HHLA1: variants seen among roughly 807,000 people sequenced by gnomAD.
The protein encoded by HHLA1 is HHLA1 neighbor of OC90.
Under a neutral mutation model 69.9 loss-of-function variants are expected in HHLA1, and 72 were observed. The observed-to-expected ratio is 1.03, with a 90% CI of 0.85 to 1.25. The LOEUF (loss-of-function observed/expected upper bound fraction) is 1.25. Ranked by LOEUF, HHLA1 falls within the 50% of genes most tolerant of loss-of-function variation. The pLI is 0.00. For missense variants in HHLA1, 685 were observed against 642.2 expected (o/e 1.07, Z -0.72); for synonymous variants, 252 against 233.2 (o/e 1.08, Z -0.73).
At chr8:132,110,012 A>C (rs1824269187) in intron 1 of HHLA1, among the ~76,000 whole-genome samples, 1 of 151,768 alleles carries the variant, frequency 6.6e-6, no homozygotes, top group Non-Finnish European at 1.5e-5. Context: ...GTGGACGGTG[A>C]AGGCAAATGC....
chr8:132,105,783 G>T (rs1054313920), intron 1 of HHLA1, among the ~76,000 whole-genome samples: 1 of 152,192 alleles, frequency 6.6e-6, no homozygotes, highest in Non-Finnish European at 1.5e-5. Context: ...TATTCAGGGA[G>T]CATTTATATT....
chr8:132,081,043 C>T (rs1823744766), intron 10 of HHLA1: 1 of 152,062 alleles, frequency 6.6e-6, no homozygotes, highest in African/African-American at 2.4e-5. Flanking sequence ...TTAGAGAGTG[C>T]CTAAGGAGAT....
At chr8:132,084,988 G>C (rs892108240) in intron 10 of HHLA1, among the ~76,000 whole-genome samples, 2 of 151,958 alleles carry the variant, frequency 1.3e-5, no homozygotes, top group Admixed American at 1.3e-4. Flanking sequence ...AAGGGTGAAG[G>C]AGAAGGGGTT....
chr8:132,065,447 AG>A (rs1823417627), intron 16 of HHLA1, among the ~76,000 whole-genome samples: 1 of 152,050 alleles, frequency 6.6e-6, no homozygotes, highest in Admixed American at 6.5e-5. Context: ...ACGCCTGGCT[AG>A]TTTTTTTGTG....
chr8:132,084,165 G>A (rs1170167083), intron 10 of HHLA1, among the ~76,000 whole-genome samples: 1 of 152,190 alleles, frequency 6.6e-6, no homozygotes, highest in Non-Finnish European at 1.5e-5. Context: ...GGCAGGTGGG[G>A]GAGGGCTAGT....
In HHLA1 at chr8:132,062,511, A is replaced by G. The variant is rs1415262825; in HGVS notation, c.*1484T>C. 1 of 152,142 alleles carries G rather than the reference A, an allele frequency of 6.6e-6. No individual in the cohort carries two copies. Among genetic ancestry groups the G allele is most frequent in the Non-Finnish European group, 1.5e-5 (1 of 68,048 alleles). 9.4% of individuals were successfully genotyped at this position (152,142 alleles called of 1,614,324 possible). On this transcript the variant is annotated 3_prime_UTR_variant, in exon 17 of 17. Coordinates refer to ENST00000414222, the MANE Select transcript of HHLA1 (RefSeq NM_001145095.3). ...CCTAGGTCACAAAAGGGTAAAAAAA[A>G]TACTCATGGCCCAGCAGAGTCCTAA... is the stretch of plus-strand genomic sequence containing the variant.
Position 132,107,079 on chromosome 8 carries a change from C to T in HHLA1, c.-21-1793G>A, listed in dbSNP as rs549652360. ...CTTAATTTCTTTCTCATTCTCTTAT[C>T]TTTCTCTCTTTTCTCCTCTTTCCCC... On this transcript the variant is annotated intron_variant, in intron 1 of 16. Coordinates refer to ENST00000414222, the MANE Select transcript of HHLA1 (RefSeq NM_001145095.3). Among the ~76,000 whole-genome samples the T allele has an allele frequency of 1.1e-4, 16 of 152,232 alleles. No individual in the cohort carries two copies. The East Asian group carries it at 3.1e-3, about 29-fold the overall frequency.
intron 1 of HHLA1, among the ~76,000 whole-genome samples, chr8:132,109,860 G>T (rs1471761874): frequency 6.6e-6 from 1 of 152,252 alleles, no homozygotes; most frequent in East Asian, 1.9e-4. Flanking sequence ...AGGTGGAAGG[G>T]TTAGAAATCC....
At chr8:132,080,138 C>A in intron 10 of HHLA1, 172 bp from the exon 11 acceptor site, 1 of 895,428 alleles carries the variant, frequency 1.1e-6, no homozygotes, top group Non-Finnish European at 1.8e-6. Flanking sequence ...CTGTCAGAGC[C>A]TTTCTTCCAC....
chr8:132,090,040 A>C (rs1823923408), intron 7 of HHLA1, among the ~76,000 whole-genome samples: 1 of 152,228 alleles, frequency 6.6e-6, no homozygotes, highest in African/African-American at 2.4e-5. Flanking sequence ...TGTGGAATTT[A>C]GTGGTGAGTT....
chr8:132,098,366 C>A (rs1360091889), intron 5 of HHLA1, among the ~76,000 whole-genome samples: 1 of 152,208 alleles, frequency 6.6e-6, no homozygotes, highest in African/African-American at 2.4e-5. Flanking sequence ...GTTACAATTA[C>A]AAACATACCA....
intron 13 of HHLA1, 108 bp from the exon 14 acceptor site, chr8:132,076,237 A>G (rs915747659): frequency 4.5e-6 from 4 of 893,814 alleles, no homozygotes; most frequent in African/African-American, 3.3e-5. Context: ...CTTGAAATCT[A>G]TAGGAAAATG....
At chr8:132,086,441 T>C (rs1427555200) in intron 10 of HHLA1, among the ~76,000 whole-genome samples, 3 of 152,184 alleles carry the variant, frequency 2.0e-5, no homozygotes, top group African/African-American at 4.8e-5. Flanking sequence ...AGCCTGAGCC[T>C]TGCTCCCAGA....
intron 14 of HHLA1, among the ~76,000 whole-genome samples, 198 bp from the exon 15 acceptor site, chr8:132,071,691 G>A (rs747797232): frequency 1.3e-5 from 2 of 152,198 alleles, no homozygotes; most frequent in Non-Finnish European, 2.9e-5. Flanking sequence ...AAAGAAGGTG[G>A]TGATCGAGTT....
At chr8:132,099,138 G>C (rs1824074484) in intron 4 of HHLA1, among the ~76,000 whole-genome samples, 176 bp from the exon 5 acceptor site, 1 of 152,186 alleles carries the variant, frequency 6.6e-6, no homozygotes. Flanking sequence ...GACCTCAGGA[G>C]GTAACAGTCA....
chr8:132,078,870 A>G lies in HHLA1; in HGVS notation c.925+848T>C, dbSNP rs75787067. ...ATGACAATATTGTCTCAGTGGGTCC[A>G]TTGTTGGAACCCACTGAGAAAATAT... is the stretch of plus-strand genomic sequence containing the variant. On this transcript the variant is annotated intron_variant, in intron 11 of 16. Coordinates refer to ENST00000414222, the MANE Select transcript of HHLA1 (RefSeq NM_001145095.3). Among the ~76,000 whole-genome samples, 813 of 152,238 alleles carry G rather than the reference A, an allele frequency of 5.3e-3. 6 individuals are homozygous for G. The highest frequency in any genetic ancestry group is 0.019 in the African/African-American group (775 of 41,532).
chr8:132,108,957 G>A (rs1824250973), intron 1 of HHLA1, among the ~76,000 whole-genome samples: 1 of 152,212 alleles, frequency 6.6e-6, no homozygotes, highest in Non-Finnish European at 1.5e-5. Context: ...TATTGTTAAA[G>A]TGATATATAA....
At chr8:132,086,635 G>A (rs564237503) in intron 10 of HHLA1, among the ~76,000 whole-genome samples, 1 of 152,164 alleles carries the variant, frequency 6.6e-6, no homozygotes. Context: ...GTTGAGGGGG[G>A]TGTGGTGGGA....
chr8:132,080,173 C>T (rs2130883972), intron 10 of HHLA1: 1 of 709,412 alleles, frequency 1.4e-6, no homozygotes, highest in African/African-American at 1.7e-5. Context: ...CTCTCCAGGA[C>T]TCTGGTACAT....
Sources: gnomAD v4.1 joint callset for allele counts (sites outside exome capture counted in the v4.1 genomes callset) on GRCh38, gnomAD v4.1.1 for gene constraint, MANE v1.5 for transcripts, NCBI Gene and HGNC (gene_info 2026-07-23, HGNC 2026-07-21) for gene names.